The following WDHD1 variants were observed in gnomAD, a reference collection of about 807,000 sequenced individuals.
WDHD1 encodes the protein WD repeat and HMG-box DNA-binding protein 1.
In WDHD1, 111 loss-of-function variants were observed where a neutral mutation model predicts 135.4. That is an observed-to-expected ratio of 0.82 (90% CI 0.70 to 0.96). WDHD1 has a LOEUF of 0.96. WDHD1 is among the 40% of genes least tolerant of loss of function. WDHD1 has a pLI of 0.00. For missense variants in WDHD1, 1,351 were observed against 1,336.3 expected, an observed-to-expected ratio of 1.01 and a Z score of -0.17; for synonymous variants, 434 against 439.0, an observed-to-expected ratio of 0.99 and a Z score of 0.14.
At chr14:54,948,635 A>G (rs752528613) in intron 24 of WDHD1, among the ~76,000 whole-genome samples, 1 of 152,226 alleles carries the variant, frequency 6.6e-6, no homozygotes, top group Non-Finnish European at 1.5e-5. Flanking sequence ...CCTGTCTGAC[A>G]GCTTTGAAGA....
At chr14:55,010,284 C>T (rs2042147399) in intron 4 of WDHD1, 25 bp downstream of exon 4, 1 of 1,538,924 alleles carries the variant, frequency 6.5e-7, no homozygotes, top group African/African-American at 1.4e-5. Flanking sequence ...ACATTATTTC[C>T]TTTTCTGATG....
At chr14:55,017,768 T>C (rs2042284830) in intron 2 of WDHD1, among the ~76,000 whole-genome samples, 1 of 152,160 alleles carries the variant, frequency 6.6e-6, no homozygotes, top group Non-Finnish European at 1.5e-5. Context: ...AAAGAAGCCA[T>C]ACTTGTCAAA....
intron 24 of WDHD1, among the ~76,000 whole-genome samples, chr14:54,950,018 G>A (rs576739183): frequency 1.7e-4 from 26 of 152,140 alleles, no homozygotes; most frequent in Admixed American, 7.2e-4. Context: ...AGGAACAACC[G>A]GTACCAGCCA....
At chr14:54,964,721 GAATGCTA>G (rs2041314521) in intron 18 of WDHD1, among the ~76,000 whole-genome samples, 1 of 152,118 alleles carries the variant, frequency 6.6e-6, no homozygotes, top group Non-Finnish European at 1.5e-5. Context: ...CGGGGGTCAG[GAATGCTA>G]AAGAAGAACT....
rs747009757 is a variant in WDHD1, at chr14:55,010,460, T to C, written c.190A>G (p.Ser64Gly). ...GEKAYSCALK[S>G]GKLVTAVSNN... is the part of the protein sequence containing the mutation. ...GAAACTGCAGTGACCAGTTTTCCAC[T>C]CTAAAAGAAAAATTAAGGTAAGAAA... Residue 64 changes from serine (S) to glycine (G), a missense_variant and splice_region_variant, in exon 4 of 26, where the codon AGT (serine) becomes GGT (glycine). By Grantham distance (56) the Ser-to-Gly change is moderately conservative. Transcript: ENST00000360586. The C allele has an allele frequency of 2.6e-6, 4 of 1,559,556 alleles. No homozygotes were observed. Among genetic ancestry groups the C allele is most frequent in the South Asian group, 1.2e-5 (1 of 81,502 alleles).
At chr14:54,943,209 T>A (rs111401015) in intron 25 of WDHD1, among the ~76,000 whole-genome samples, 10 of 152,256 alleles carry the variant, frequency 6.6e-5, no homozygotes, top group African/African-American at 2.4e-4. Flanking sequence ...ATGGCAGAAG[T>A]TTATCAGAAG....
chr14:54,961,968 C>A (rs2041259186), intron 21 of WDHD1, among the ~76,000 whole-genome samples: 1 of 152,056 alleles, frequency 6.6e-6, no homozygotes, highest in Admixed American at 6.6e-5. Context: ...TCCCGAGTAG[C>A]TGGGATTACA....
chr14:55,010,599 T>C, intron 3 of WDHD1, 139 bp from the exon 4 acceptor site: 2 of 775,452 alleles, frequency 2.6e-6, no homozygotes. Context: ...TCACTAAATG[T>C]ACAACTTTGC....
At chr14:54,982,616 C>T (rs1230715204) in intron 15 of WDHD1, among the ~76,000 whole-genome samples, 1 of 152,054 alleles carries the variant, frequency 6.6e-6, no homozygotes, top group East Asian at 1.9e-4. Flanking sequence ...GGCTTCACAC[C>T]CCCCTCACTC....
intron 24 of WDHD1, among the ~76,000 whole-genome samples, chr14:54,955,234 T>A (rs2041132731): frequency 6.6e-6 from 1 of 152,170 alleles, no homozygotes; most frequent in African/African-American, 2.4e-5. Flanking sequence ...TGAAACTACT[T>A]ATTATCACTC....
chr14:55,026,895 C>T (rs1308736617), intron 1 of WDHD1, 92 bp from the exon 2 acceptor site: 5 of 1,251,298 alleles, frequency 4.0e-6, no homozygotes, highest in Middle Eastern at 1.9e-4. Context: ...TCCTCTAGGG[C>T]CCGTTCTCCG....
chr14:54,974,220 A>C (rs1242659100), intron 16 of WDHD1, among the ~76,000 whole-genome samples: 5 of 152,036 alleles, frequency 3.3e-5, no homozygotes, highest in Admixed American at 1.3e-4. Flanking sequence ...TCAGGAGCTC[A>C]AGACCAGCTC....
rs2040911423 is a variant in WDHD1, at chr14:54,945,695, C to A, written c.3051-1225G>T. On this transcript the variant is annotated intron_variant, in intron 24 of 25. Coordinates refer to ENST00000360586, the MANE Select transcript of WDHD1 (RefSeq NM_007086.4). ...AGCTGGGACTACAGGTACGCGCCAC[C>A]ACACCCAGCTAATTTTTGTATTTTT... 2.0e-5 allele frequency among the ~76,000 whole-genome samples: 3 copies of A among 152,136 alleles called. 1 individual carries two copies. The South Asian group carries it at 6.2e-4, about 31-fold the overall frequency.
At chr14:55,021,517 G>A (rs996617756) in intron 2 of WDHD1, among the ~76,000 whole-genome samples, 5 of 151,918 alleles carry the variant, frequency 3.3e-5, no homozygotes, top group East Asian at 3.9e-4. Context: ...GGTGGAGTGT[G>A]GGATTACAGG....
chr14:55,010,228 C>A, intron 4 of WDHD1, 81 bp downstream of exon 4: 1 of 1,338,440 alleles, frequency 7.5e-7, no homozygotes, highest in South Asian at 2.1e-5. Context: ...AAGTCACGGT[C>A]CTGAAAACAC....
At chr14:54,966,931 C>T (rs1313985292) in intron 17 of WDHD1, among the ~76,000 whole-genome samples, 3 of 152,212 alleles carry the variant, frequency 2.0e-5, no homozygotes, top group African/African-American at 7.2e-5. Flanking sequence ...TTTCAAATGA[C>T]TTTTGATGAC....
chr14:54,943,105 C>T (rs57622454), intron 25 of WDHD1, among the ~76,000 whole-genome samples: 30,010 of 152,064 alleles, frequency 0.2, 3,025 homozygotes, highest in Admixed American at 0.23. Flanking sequence ...CTGCGCCCTG[C>T]CATTCCTGGG....
chr14:55,016,007 CTTCTT>C (rs950053084), intron 2 of WDHD1, among the ~76,000 whole-genome samples: 1 of 152,188 alleles, frequency 6.6e-6, no homozygotes, highest in Non-Finnish European at 1.5e-5. Context: ...CCCCGATGGG[CTTCTT>C]GGTGTATCAG....
Position 54,963,079 on chromosome 14 carries a change from G to T in WDHD1, c.2404C>A (p.Arg802Ser). The stretch of plus-strand genomic sequence containing the variant: ...TGAGCCAGTATTAATTTCCGAGAGC[G>T]AGAAGCATATTTAATGGCTAAATTC... ...AVNLAIKYASRSRKLILAQKL... is the reference protein window; with the variant it reads ...AVNLAIKYASSSRKLILAQKL... The change falls in exon 19 of 26, where the codon CGC becomes AGC. Residue 802 changes from arginine to serine, a missense_variant. This residue lies in a region of WDHD1 where 1,330 missense variants were observed against 1,296.1 expected (regional missense o/e 1.03). Coordinates refer to ENST00000360586, the MANE Select transcript of WDHD1 (RefSeq NM_007086.4). 5 of 1,585,140 alleles carry T rather than the reference G, an allele frequency of 3.2e-6. No individual in the cohort carries two copies.
Sources: gnomAD v4.1 joint callset for allele counts (sites outside exome capture counted in the v4.1 genomes callset) on GRCh38, gnomAD v4.1.1 for gene constraint, gnomAD v4.1.1 regional missense constraint, MANE v1.5 for transcripts, NCBI Gene and HGNC (gene_info 2026-07-23, HGNC 2026-07-21) for gene names.